Variants in NEK10 observed in about 807,000 individuals in gnomAD.
NEK10 encodes the protein serine/threonine-protein kinase Nek10.
NEK10 carries 122 observed loss-of-function variants against 159.8 expected under a neutral mutation model. The observed-to-expected ratio is 0.76, with a 90% CI of 0.66 to 0.89. NEK10 has a LOEUF of 0.89. Among genes scored for constraint, NEK10 ranks in the 40% least tolerant of loss-of-function variants. The probability of loss-of-function intolerance (pLI) is 0.00; values close to 1 mark genes in which losing one functional copy is unlikely to be tolerated. For missense variants in NEK10, 1,342 were observed against 1,323.1 expected (o/e 1.01, Z -0.22); for synonymous variants, 466 against 457.1 (o/e 1.02, Z -0.25).
intron 5 of NEK10, among the ~76,000 whole-genome samples, chr3:27,324,745 G>A (rs767468949): frequency 4.0e-5 from 6 of 151,894 alleles, no homozygotes; most frequent in South Asian, 4.2e-4. Flanking sequence ...GTCCATTCAC[G>A]TCACTCCTCA....
intron 30 of NEK10, among the ~76,000 whole-genome samples, chr3:27,150,135 G>T (rs564734159): frequency 2.6e-5 from 4 of 152,302 alleles, no homozygotes; most frequent in African/African-American, 9.6e-5. Context: ...ATGTTGGTTC[G>T]TGCAGTTTAA....
At chr3:27,232,667 A>G (rs1441066458) in intron 23 of NEK10, among the ~76,000 whole-genome samples, 1 of 152,118 alleles carries the variant, frequency 6.6e-6, no homozygotes, top group African/African-American at 2.4e-5. Flanking sequence ...AAATTATACT[A>G]CAAGGCTATA....
chr3:27,259,832 T>A (rs151072467), intron 22 of NEK10, among the ~76,000 whole-genome samples: 35,298 of 152,096 alleles, frequency 0.23, 4,471 homozygotes, highest in Middle Eastern at 0.37. Flanking sequence ...TTCACAATAT[T>A]GATTCTTCCT....
At chr3:27,243,298 A>T (rs889140332) in intron 23 of NEK10, among the ~76,000 whole-genome samples, 56 of 152,206 alleles carry the variant, frequency 3.7e-4, no homozygotes, top group Admixed American at 2.0e-4. Context: ...AAATAAATTG[A>T]TGTAAAGGGA....
At chr3:27,163,660 A>G (rs559367720) in intron 29 of NEK10, among the ~76,000 whole-genome samples, 1 of 152,202 alleles carries the variant, frequency 6.6e-6, no homozygotes, top group African/African-American at 2.4e-5. Context: ...CCTAGAACCA[A>G]GTTTTTAATA....
intron 23 of NEK10, among the ~76,000 whole-genome samples, chr3:27,204,466 C>G (rs376961553): frequency 1.3e-4 from 11 of 85,506 alleles, no homozygotes; most frequent in Non-Finnish European, 1.8e-4. Flanking sequence ...CCCCTCCCCC[C>G]ACCCCACCAC....
At chr3:27,252,868 T>C (rs1955802237) in intron 23 of NEK10, 1 of 510,994 alleles carries the variant, frequency 2.0e-6, no homozygotes, top group African/African-American at 1.9e-5. Flanking sequence ...GAATGCAAGG[T>C]TGTCTGCTTG....
intron 32 of NEK10, among the ~76,000 whole-genome samples, chr3:27,131,278 A>G (rs1942590613): frequency 1.3e-5 from 2 of 152,172 alleles, no homozygotes; most frequent in Admixed American, 1.3e-4. Flanking sequence ...CTGTATCGAA[A>G]GGTCTACCAA....
At chr3:27,141,603 A>C in intron 30 of NEK10, 21 bp from the exon 31 acceptor site, 1 of 1,564,812 alleles carries the variant, frequency 6.4e-7, no homozygotes, top group East Asian at 2.2e-5. Context: ...TAAATTTTGT[A>C]GTTAGTCAAG....
At chr3:27,364,123 T>C (rs969066523) in intron 1 of NEK10, among the ~76,000 whole-genome samples, 1 of 151,960 alleles carries the variant, frequency 6.6e-6, no homozygotes, top group Non-Finnish European at 1.5e-5. Context: ...TCTCACTATG[T>C]CGCCCAGGCT....
intron 5 of NEK10, among the ~76,000 whole-genome samples, chr3:27,338,389 A>G (rs1031504272): frequency 6.6e-6 from 1 of 152,234 alleles, no homozygotes; most frequent in Non-Finnish European, 1.5e-5. Flanking sequence ...TAGTGCCGCA[A>G]TAAACATACC....
intron 23 of NEK10, chr3:27,253,075 A>T: frequency 2.9e-6 from 1 of 350,194 alleles, no homozygotes; most frequent in Non-Finnish European, 5.6e-6. Flanking sequence ...TCTCTACTTA[A>T]TCAGTTTTAC....
intron 25 of NEK10, among the ~76,000 whole-genome samples, chr3:27,196,343 T>G (rs984477089): frequency 2.6e-5 from 4 of 152,194 alleles, no homozygotes; most frequent in African/African-American, 9.7e-5. Flanking sequence ...AGCTCAGTTT[T>G]TGGAGACGTG....
At chr3:27,216,256 T>A (rs1255400340) in intron 23 of NEK10, 1 of 195,198 alleles carries the variant, frequency 5.1e-6, no homozygotes, top group Non-Finnish European at 1.0e-5. Flanking sequence ...AGACAAATAA[T>A]TCTAGACAGT....
At chr3:27,304,544 C>T (rs1207393811) in intron 12 of NEK10, among the ~76,000 whole-genome samples, 5 of 152,024 alleles carry the variant, frequency 3.3e-5, no homozygotes, top group Non-Finnish European at 5.9e-5. Context: ...TCTGGGTCCC[C>T]AAGGAATTTA....
At chr3:27,317,442 T>C (rs2045286981) in intron 6 of NEK10, among the ~76,000 whole-genome samples, 1 of 152,254 alleles carries the variant, frequency 6.6e-6, no homozygotes, top group Admixed American at 6.5e-5. Flanking sequence ...TTTCTGAGTC[T>C]AATGACTTGG....
At chr3:27,214,079 CT>C (rs1214387143) in intron 23 of NEK10, among the ~76,000 whole-genome samples, 1 of 152,240 alleles carries the variant, frequency 6.6e-6, no homozygotes, top group Non-Finnish European at 1.5e-5. Flanking sequence ...CTTGTTTCCA[CT>C]GATTCCAGGT....
At chr3:27,222,366 G>A (rs941505790) in intron 23 of NEK10, among the ~76,000 whole-genome samples, 22 of 152,010 alleles carry the variant, frequency 1.4e-4, no homozygotes, top group African/African-American at 4.3e-4. Flanking sequence ...GCGAGACTCC[G>A]TCTCAAAAAA....
intron 23 of NEK10, among the ~76,000 whole-genome samples, chr3:27,255,633 T>G (rs1956096088): frequency 6.6e-6 from 1 of 152,180 alleles, no homozygotes; most frequent in Non-Finnish European, 1.5e-5. Context: ...AAATGACATG[T>G]GATCAGCAAA....
Sources: allele counts gnomAD v4.1 joint callset (sites outside exome capture counted in the v4.1 genomes callset), GRCh38; gene constraint gnomAD v4.1.1; transcripts MANE v1.5; gene names NCBI Gene and HGNC (gene_info 2026-07-23, HGNC 2026-07-21).